SGCZ: variants seen among roughly 807,000 people sequenced by gnomAD.
SGCZ encodes zeta-sarcoglycan.
SGCZ carries 40 observed loss-of-function variants against 41.3 expected under a neutral mutation model. The ratio of observed to expected loss-of-function variants is 0.97; its 90% confidence interval spans 0.75 to 1.26. The LOEUF (loss-of-function observed/expected upper bound fraction) is 1.26, where lower values mean the gene tolerates loss of function less well. Ranked by LOEUF, SGCZ falls within the 50% of genes most tolerant of loss-of-function variation. The pLI is 0.00. For synonymous variants in SGCZ, 206 were observed against 137.5 expected, an observed-to-expected ratio of 1.50 and a Z score of -3.49; for missense variants, 552 against 369.8, an observed-to-expected ratio of 1.49 and a Z score of -4.04.
At chr8:14,656,164 G>C (rs1807561348) in intron 1 of SGCZ, among the ~76,000 whole-genome samples, 1 of 152,100 alleles carries the variant, frequency 6.6e-6, no homozygotes, top group African/African-American at 2.4e-5. Flanking sequence ...TTTATCCAAA[G>C]TGACTATGCC....
intron 2 of SGCZ, among the ~76,000 whole-genome samples, chr8:14,483,502 T>A (rs186269390): frequency 6.6e-6 from 1 of 152,184 alleles, no homozygotes; most frequent in African/African-American, 2.4e-5. Context: ...GCCCAGGAAG[T>A]CAAGGCTATA....
intron 3 of SGCZ, among the ~76,000 whole-genome samples, chr8:14,264,567 T>C (rs1363123898): frequency 3.3e-5 from 5 of 151,992 alleles, no homozygotes; most frequent in Admixed American, 2.0e-4. Flanking sequence ...GTAACAAAAA[T>C]GGGCTTAGAG....
At chr8:14,332,798 A>G (rs1802382808) in intron 2 of SGCZ, 1 of 151,354 alleles carries the variant, frequency 6.6e-6, no homozygotes, top group Non-Finnish European at 1.5e-5. Flanking sequence ...AATAGAGTAT[A>G]GAGTATGTAG....
chr8:14,863,160 C>G (rs1803811896), intron 1 of SGCZ, among the ~76,000 whole-genome samples: 1 of 152,082 alleles, frequency 6.6e-6, no homozygotes, highest in Admixed American at 6.6e-5. Flanking sequence ...GGGCTTCCAG[C>G]CTGGCCTTAT....
intron 5 of SGCZ, among the ~76,000 whole-genome samples, chr8:14,135,481 G>C (rs2117067367): frequency 6.6e-6 from 1 of 152,278 alleles, no homozygotes; most frequent in African/African-American, 2.4e-5. Flanking sequence ...TCCCAGATGA[G>C]TGAATGACTA....
intron 1 of SGCZ, among the ~76,000 whole-genome samples, chr8:15,216,824 G>C (rs1367776719): frequency 6.6e-6 from 1 of 152,052 alleles, no homozygotes; most frequent in Admixed American, 6.6e-5. Context: ...ACTAGAATTA[G>C]GAGAGAATAA....
intron 1 of SGCZ, among the ~76,000 whole-genome samples, chr8:14,616,504 A>G (rs1806111709): frequency 6.6e-6 from 1 of 152,138 alleles, no homozygotes; most frequent in Non-Finnish European, 1.5e-5. Flanking sequence ...AACTATATAA[A>G]TTAGTGTTAG....
chr8:14,380,887 T>C (rs930031765), intron 2 of SGCZ, among the ~76,000 whole-genome samples: 1 of 152,076 alleles, frequency 6.6e-6, no homozygotes, highest in Non-Finnish European at 1.5e-5. Flanking sequence ...AAAAATTGTG[T>C]AATTGTGTAA....
intron 2 of SGCZ, among the ~76,000 whole-genome samples, chr8:14,521,914 C>T (rs891574343): frequency 1.3e-5 from 2 of 152,060 alleles, no homozygotes; most frequent in East Asian, 1.9e-4. Context: ...TGCTGTACGT[C>T]AATTTAAGGA....
chr8:14,253,473 G>A (rs1799356344), intron 3 of SGCZ, among the ~76,000 whole-genome samples: 2 of 152,092 alleles, frequency 1.3e-5, no homozygotes, highest in South Asian at 4.1e-4. Flanking sequence ...TATGAAACAA[G>A]TAATCTTTAT....
At chr8:14,866,300 C>CA (rs151002620) in intron 1 of SGCZ, among the ~76,000 whole-genome samples, 3,598 of 152,028 alleles carry the variant, frequency 0.024, 52 homozygotes, top group Middle Eastern at 0.048. Context: ...AACCTTCTCT[C>CA]GGGGCCAATC....
At chr8:14,991,753 C>G (rs1802021458) in intron 1 of SGCZ, among the ~76,000 whole-genome samples, 3 of 151,926 alleles carry the variant, frequency 2.0e-5, no homozygotes, top group African/African-American at 2.4e-5. Context: ...CACCCATCCT[C>G]CTCATCCAAT....
intron 1 of SGCZ, among the ~76,000 whole-genome samples, chr8:15,230,821 G>T (rs142857711): frequency 1.3e-5 from 2 of 152,110 alleles, no homozygotes; most frequent in African/African-American, 4.8e-5. Flanking sequence ...CGAAGACATT[G>T]GACAAATTCT....
chr8:14,209,157 G>A (rs1805713914), intron 4 of SGCZ, among the ~76,000 whole-genome samples: 1 of 152,190 alleles, frequency 6.6e-6, no homozygotes, highest in South Asian at 2.1e-4. Context: ...ATTAGTGCGG[G>A]GTGGACAGCC....
intron 5 of SGCZ, among the ~76,000 whole-genome samples, chr8:14,152,548 A>G (rs1323756337): frequency 3.3e-5 from 5 of 152,226 alleles, no homozygotes; most frequent in Non-Finnish European, 2.9e-5. Context: ...TGACAACACC[A>G]GACTGGAGAG....
intron 2 of SGCZ, among the ~76,000 whole-genome samples, chr8:14,420,391 A>C (rs892149982): frequency 6.6e-6 from 1 of 152,076 alleles, no homozygotes; most frequent in African/African-American, 2.4e-5. Flanking sequence ...GTCTGTGCTG[A>C]CGTCTCAACT....
chr8:14,458,057 A>C (rs1156328961), intron 2 of SGCZ, among the ~76,000 whole-genome samples: 1 of 152,108 alleles, frequency 6.6e-6, no homozygotes, highest in Non-Finnish European at 1.5e-5. Context: ...CCTTTCTTCT[A>C]AACTACCCAG....
At chr8:14,996,319 C>T (rs17120695) in intron 1 of SGCZ, among the ~76,000 whole-genome samples, 7 of 152,178 alleles carry the variant, frequency 4.6e-5, no homozygotes, top group African/African-American at 1.7e-4. Context: ...GTCTCTTTAA[C>T]CATGCACCCT....
chr8:14,098,766 G>A (rs2116971563), intron 7 of SGCZ, among the ~76,000 whole-genome samples: 1 of 152,254 alleles, frequency 6.6e-6, no homozygotes, highest in Admixed American at 6.5e-5. Context: ...GCTCATGTGG[G>A]ATTGATCAGA....
Sources: gnomAD v4.1 joint callset for allele counts (sites outside exome capture counted in the v4.1 genomes callset) on GRCh38, gnomAD v4.1.1 for gene constraint, MANE v1.5 for transcripts, NCBI Gene and HGNC (gene_info 2026-07-23, HGNC 2026-07-21) for gene names.